The following SHANK2 variants were observed in gnomAD, a reference collection of about 807,000 sequenced individuals.
The protein encoded by SHANK2 is SH3 and multiple ankyrin repeat domains 2.
Under a neutral mutation model 133.7 loss-of-function variants are expected in SHANK2, and 43 were observed. The ratio of observed to expected loss-of-function variants is 0.32; its 90% CI spans 0.25 to 0.41. The LOEUF (loss-of-function observed/expected upper bound fraction) is 0.41. Among genes scored for constraint, SHANK2 ranks in the 10% least tolerant of loss-of-function variants. The pLI, the probability that SHANK2 is intolerant of heterozygous loss-of-function variation, is 1.00. For missense variants in SHANK2, 1,994 were observed against 2,235.8 expected (o/e 0.89, Z 2.18); for synonymous variants, 1,017 against 952.8 (o/e 1.07, Z -1.24).
At chr11:70,840,266 C>T (rs1476656435) in intron 11 of SHANK2, among the ~76,000 whole-genome samples, 3 of 152,182 alleles carry the variant, frequency 2.0e-5, no homozygotes, top group African/African-American at 7.2e-5. Context: ...CCTCGGAGGG[C>T]AGGTGAGAGC....
intron 17 of SHANK2, chr11:70,634,387 A>G (rs568139081): frequency 2.0e-5 from 3 of 152,360 alleles, no homozygotes; most frequent in African/African-American, 7.2e-5. Flanking sequence ...GAAAAAATAA[A>G]TACTAAGGTC....
At chr11:70,558,621 C>A (rs1402263282) in intron 17 of SHANK2, among the ~76,000 whole-genome samples, 1 of 152,198 alleles carries the variant, frequency 6.6e-6, no homozygotes, top group African/African-American at 2.4e-5. Flanking sequence ...AGCTGGGAGG[C>A]CACGTGGGGA....
intron 10 of SHANK2, among the ~76,000 whole-genome samples, chr11:70,954,111 G>A (rs1555087231): frequency 6.6e-6 from 1 of 152,248 alleles, no homozygotes; most frequent in African/African-American, 2.4e-5. Context: ...GAAGAGGAAG[G>A]TCCTGGGAGA....
intron 11 of SHANK2, among the ~76,000 whole-genome samples, chr11:70,888,694 G>A (rs900699055): frequency 3.9e-5 from 6 of 152,162 alleles, no homozygotes; most frequent in Non-Finnish European, 7.3e-5. Flanking sequence ...GCAGGTGCCT[G>A]TAATCCCAGC....
At chr11:70,562,024 T>C (rs1465383413) in intron 17 of SHANK2, among the ~76,000 whole-genome samples, 1 of 152,224 alleles carries the variant, frequency 6.6e-6, no homozygotes, top group Non-Finnish European at 1.5e-5. Flanking sequence ...CAATATTTTC[T>C]AATTTCCCAT....
intron 2 of SHANK2, among the ~76,000 whole-genome samples, chr11:71,159,391 C>G (rs1262505328): frequency 6.6e-6 from 1 of 152,200 alleles, no homozygotes; most frequent in African/African-American, 2.4e-5. Flanking sequence ...TGATGACATT[C>G]AGGGCCCACC....
intron 17 of SHANK2, among the ~76,000 whole-genome samples, chr11:70,596,843 G>C (rs2060408363): frequency 6.6e-6 from 1 of 152,198 alleles, no homozygotes; most frequent in Non-Finnish European, 1.5e-5. Flanking sequence ...GAGGAGGAGA[G>C]AACAGAGGAC....
At chr11:70,489,633 G>A (rs2058857601) in intron 23 of SHANK2, 1 of 516,584 alleles carries the variant, frequency 1.9e-6, no homozygotes, top group Non-Finnish European at 3.5e-6. Context: ...CAGGGCAAGG[G>A]CCTTAGCTTC....
At chr11:70,729,901 A>T (rs1555031684) in intron 14 of SHANK2, among the ~76,000 whole-genome samples, 3 of 89,566 alleles carry the variant, frequency 3.3e-5, no homozygotes, top group Admixed American at 2.0e-4. Context: ...AAGTGTTACT[A>T]AAAAAAAAAA....
intron 2 of SHANK2, among the ~76,000 whole-genome samples, chr11:71,206,902 C>T (rs1565514452): frequency 1.3e-5 from 2 of 151,904 alleles, no homozygotes; most frequent in Admixed American, 6.6e-5. Flanking sequence ...ACAGCAAGAC[C>T]CTGGTCTCTA....
At chr11:71,194,200 A>C (rs1324006202) in intron 2 of SHANK2, among the ~76,000 whole-genome samples, 1 of 152,100 alleles carries the variant, frequency 6.6e-6, no homozygotes, top group African/African-American at 2.4e-5. Context: ...GTTCAAAGTG[A>C]CCTGAGGCCA....
At chr11:70,611,834 C>A (rs1328332979) in intron 17 of SHANK2, among the ~76,000 whole-genome samples, 3 of 151,962 alleles carry the variant, frequency 2.0e-5, no homozygotes, top group African/African-American at 7.3e-5. Context: ...AAACTGCCTT[C>A]GTTTCTACTG....
intron 1 of SHANK2, among the ~76,000 whole-genome samples, chr11:71,230,620 C>G (rs1422108866): frequency 6.7e-6 from 1 of 149,830 alleles, no homozygotes. Context: ...GGAAAACTAA[C>G]AGTTTGCAAA....
At chr11:70,806,550 T>C (rs1948164643) in intron 13 of SHANK2, among the ~76,000 whole-genome samples, 1 of 152,202 alleles carries the variant, frequency 6.6e-6, no homozygotes, top group African/African-American at 2.4e-5. Flanking sequence ...AGGATTCTGC[T>C]TTGAGAATCT....
intron 14 of SHANK2, among the ~76,000 whole-genome samples, chr11:70,794,366 G>A (rs1947864176): frequency 1.3e-5 from 2 of 151,938 alleles, no homozygotes; most frequent in Admixed American, 6.6e-5. Flanking sequence ...AAGAAGTTGG[G>A]CCCGAGAGTA....
intron 22 of SHANK2, among the ~76,000 whole-genome samples, 186 bp from the exon 23 acceptor site, chr11:70,490,573 AG>A (rs2058872800): frequency 1.3e-5 from 2 of 152,362 alleles, no homozygotes; most frequent in South Asian, 4.1e-4. Flanking sequence ...GTCCCTCTCT[AG>A]GTGCCTTTCC....
chr11:70,584,273 C>A (rs1189187321), intron 17 of SHANK2, among the ~76,000 whole-genome samples: 2 of 152,190 alleles, frequency 1.3e-5, no homozygotes, highest in African/African-American at 4.8e-5. Context: ...ACATGCAGGG[C>A]TGAGTCTGTG....
chr11:70,828,498 A>G (rs1321413528), intron 11 of SHANK2, among the ~76,000 whole-genome samples: 3 of 152,246 alleles, frequency 2.0e-5, no homozygotes, highest in Non-Finnish European at 2.9e-5. Flanking sequence ...CACAGAGTTC[A>G]TGCACCTCCT....
chr11:71,189,087 A>G (rs946005733), intron 2 of SHANK2, among the ~76,000 whole-genome samples: 2 of 152,190 alleles, frequency 1.3e-5, no homozygotes, highest in African/African-American at 2.4e-5. Flanking sequence ...GGGTTGTGAA[A>G]TAGTCACATC....
Sources: gnomAD v4.1 joint callset for allele counts (sites outside exome capture counted in the v4.1 genomes callset) on GRCh38, gnomAD v4.1.1 for gene constraint, MANE v1.5 for transcripts, NCBI Gene and HGNC (gene_info 2026-07-23, HGNC 2026-07-21) for gene names.